The following SNTG1 variants were observed in gnomAD, a reference collection of about 807,000 sequenced individuals.
SNTG1 encodes syntrophin gamma 1, also known as gamma-1-syntrophin.
SNTG1 carries 39 observed loss-of-function variants against 74.7 expected under a neutral mutation model. That is an observed-to-expected ratio of 0.52 (90% CI 0.40 to 0.68). The LOEUF is 0.68. Ranked by LOEUF, SNTG1 falls within the 30% of genes least tolerant of loss-of-function variation. The pLI is 0.00. For synonymous variants in SNTG1, 254 were observed against 217.1 expected (o/e 1.17, Z -1.49); for missense variants, 685 against 609.5 (o/e 1.12, Z -1.30).
intron 18 of SNTG1, among the ~76,000 whole-genome samples, chr8:50,770,832 T>A (rs2095625266): frequency 6.6e-6 from 1 of 152,024 alleles, no homozygotes; most frequent in South Asian, 2.1e-4. Context: ...CTTCACAGGT[T>A]TGTCTCTCTT....
At chr8:50,310,109 T>C (rs1277576295) in intron 2 of SNTG1, among the ~76,000 whole-genome samples, 7 of 152,174 alleles carry the variant, frequency 4.6e-5, no homozygotes, top group African/African-American at 1.7e-4. Flanking sequence ...AAGCTTACAG[T>C]TTAAAATGAC....
At chr8:50,616,545 C>A (rs907669596) in intron 13 of SNTG1, among the ~76,000 whole-genome samples, 5 of 152,178 alleles carry the variant, frequency 3.3e-5, no homozygotes, top group Admixed American at 1.3e-4. Context: ...ACAGGAAGCA[C>A]GAGCAGGCAG....
intron 1 of SNTG1, among the ~76,000 whole-genome samples, chr8:50,147,732 G>A (rs2081921832): frequency 1.3e-5 from 2 of 152,178 alleles, no homozygotes; most frequent in Admixed American, 1.3e-4. Context: ...GATACAGACA[G>A]ATACATAAAT....
At chr8:50,451,646 C>G (rs2093458863) in intron 8 of SNTG1, among the ~76,000 whole-genome samples, 1 of 152,098 alleles carries the variant, frequency 6.6e-6, no homozygotes, top group South Asian at 2.1e-4. Context: ...TCTAATTCAG[C>G]CAGTTTGGGA....
At chr8:50,044,984 TA>T (rs1293635798) in intron 1 of SNTG1, among the ~76,000 whole-genome samples, 3 of 152,182 alleles carry the variant, frequency 2.0e-5, no homozygotes, top group African/African-American at 7.2e-5. Context: ...AGATGATAGC[TA>T]GATAGATAAA....
chr8:50,498,373 T>C (rs370569529), intron 8 of SNTG1, among the ~76,000 whole-genome samples: 1 of 151,874 alleles, frequency 6.6e-6, no homozygotes, highest in African/African-American at 2.4e-5. Context: ...GTTAAGCATA[T>C]TTTAATGCAC....
At chr8:49,976,759 A>G (rs996268815) in intron 1 of SNTG1, among the ~76,000 whole-genome samples, 3 of 152,168 alleles carry the variant, frequency 2.0e-5, no homozygotes, top group African/African-American at 7.2e-5. Context: ...CTGAGTCCTG[A>G]TCATGCAGGA....
intron 1 of SNTG1, among the ~76,000 whole-genome samples, chr8:50,165,797 G>T (rs2082593993): frequency 2.0e-5 from 3 of 152,110 alleles, no homozygotes; most frequent in Non-Finnish European, 4.4e-5. Flanking sequence ...ATTACTAGTT[G>T]AACCTAAAGT....
At position 50,371,576 on chromosome 8, in the gene SNTG1, T is replaced by C. The variant is rs566182603; in HGVS notation, c.-27-22636T>C. ...GGTGTAGAGTGTTGTTCAGCCCCTT[T>C]GTTTTCTTATTGATTCTCTGTCTCA... On this transcript the variant is annotated intron_variant, in intron 2 of 18. Transcript: ENST00000642720. 2.5e-3 allele frequency among the ~76,000 whole-genome samples: 380 copies of C among 152,310 alleles called. 2 individuals are homozygous for C. Among genetic ancestry groups the C allele is most frequent in the African/African-American group, 8.7e-3 (363 of 41,576 alleles).
At chr8:50,776,389 T>A (rs1290008398) in intron 18 of SNTG1, among the ~76,000 whole-genome samples, 1 of 147,476 alleles carries the variant, frequency 6.8e-6, no homozygotes, top group Admixed American at 6.8e-5. Flanking sequence ...TTTATTATAT[T>A]TTACATTTTA....
chr8:50,375,123 A>G (rs1466040151), intron 2 of SNTG1, among the ~76,000 whole-genome samples: 1 of 152,202 alleles, frequency 6.6e-6, no homozygotes, highest in Non-Finnish European at 1.5e-5. Context: ...ATTCTTGAAC[A>G]TGCAGGGCAA....
chr8:50,349,765 C>T (rs532175207), intron 2 of SNTG1, among the ~76,000 whole-genome samples: 76 of 152,290 alleles, frequency 5.0e-4, no homozygotes, highest in Middle Eastern at 3.4e-3. Context: ...TGGCAGCCCT[C>T]GCAGCCCTCA....
intron 2 of SNTG1, among the ~76,000 whole-genome samples, chr8:50,364,950 AC>A (rs1563946169): frequency 6.6e-6 from 1 of 152,026 alleles, no homozygotes; most frequent in African/African-American, 2.4e-5. Context: ...TTTTTGCAAA[AC>A]CATAACAAAT....
At chr8:50,183,714 A>T (rs911151989) in intron 2 of SNTG1, among the ~76,000 whole-genome samples, 1 of 152,190 alleles carries the variant, frequency 6.6e-6, no homozygotes, top group Non-Finnish European at 1.5e-5. Flanking sequence ...AAGAAAACAT[A>T]CAACTATGCT....
chr8:50,420,260 A>G (rs1161883433), intron 4 of SNTG1, among the ~76,000 whole-genome samples: 6 of 152,218 alleles, frequency 3.9e-5, no homozygotes. Flanking sequence ...AAAGACAAAG[A>G]AGAATACTTC....
intron 2 of SNTG1, among the ~76,000 whole-genome samples, chr8:50,261,948 T>C (rs1283263827): frequency 2.6e-5 from 4 of 152,146 alleles, no homozygotes; most frequent in Non-Finnish European, 5.9e-5. Flanking sequence ...TAAATGTCAA[T>C]GGTCTCTATG....
intron 1 of SNTG1, among the ~76,000 whole-genome samples, chr8:50,109,768 G>T (rs1024409635): frequency 7.2e-5 from 11 of 152,144 alleles, no homozygotes; most frequent in African/African-American, 2.4e-4. Context: ...TGAGAACAGA[G>T]AGTTTACATA....
intron 2 of SNTG1, among the ~76,000 whole-genome samples, chr8:50,295,958 G>C (rs1181186022): frequency 6.6e-6 from 1 of 152,150 alleles, no homozygotes; most frequent in Non-Finnish European, 1.5e-5. Flanking sequence ...TAAATCCTAT[G>C]ATGGCATTTG....
chr8:50,258,163 A>G (rs1450407646), intron 2 of SNTG1, among the ~76,000 whole-genome samples: 1 of 152,238 alleles, frequency 6.6e-6, no homozygotes. Flanking sequence ...CAGAGTTGCT[A>G]CAATATATTA....
Sources: allele counts gnomAD v4.1 joint callset (sites outside exome capture counted in the v4.1 genomes callset), GRCh38; gene constraint gnomAD v4.1.1; transcripts MANE v1.5; gene names NCBI Gene and HGNC (gene_info 2026-07-23, HGNC 2026-07-21).